FANCD2: variants seen among roughly 807,000 people sequenced by gnomAD.
FANCD2 encodes Fanconi anemia group D2 protein.
In FANCD2, 131 loss-of-function variants were observed where a neutral mutation model predicts 192.3. The ratio of observed to expected loss-of-function variants is 0.68; its 90% CI spans 0.59 to 0.79. The LOEUF is 0.79. Ranked by LOEUF, FANCD2 falls within the 30% of genes least tolerant of loss-of-function variation. FANCD2 has a pLI of 0.00. For synonymous variants in FANCD2, 524 were observed against 612.5 expected (o/e 0.86, Z 2.13); for missense variants, 1,508 against 1,701.6 (o/e 0.89, Z 2.00).
At chr3:10,059,590 C>G (rs1253551002) in intron 18 of FANCD2, among the ~76,000 whole-genome samples, 4 of 152,080 alleles carry the variant, frequency 2.6e-5, no homozygotes, top group Non-Finnish European at 5.9e-5. Flanking sequence ...ATCACGAGGT[C>G]AGGAGATCGA....
intron 29 of FANCD2, among the ~76,000 whole-genome samples, chr3:10,075,914 T>C (rs1200001546): frequency 6.6e-6 from 1 of 151,694 alleles, no homozygotes; most frequent in Non-Finnish European, 1.5e-5. Context: ...GTATTTTTAA[T>C]AGAGACGAGG....
At chr3:10,064,177 C>T (rs967978307) in intron 21 of FANCD2, among the ~76,000 whole-genome samples, 179 bp from the exon 22 acceptor site, 4 of 152,150 alleles carry the variant, frequency 2.6e-5, no homozygotes, top group Non-Finnish European at 4.4e-5. Context: ...TGTGCTGGGC[C>T]TTGTGCTAAG....
chr3:10,062,227 CCTTT>C lies in FANCD2; in HGVS notation c.1827+25_1827+28del, dbSNP rs768118340. ...GTGCACACAGGTGAGTTCTTTTTTT[CCTTT>C]CTTTCTTTTTCCTGTCTTTTTTTTT... On this transcript the variant is annotated intron_variant, in intron 20 of 43. Coordinates refer to ENST00000675286, the MANE Select transcript of FANCD2 (RefSeq NM_001018115.3). 2.1e-5 allele frequency: 33 copies of C among 1,606,340 alleles called. No homozygotes were observed. Among genetic ancestry groups the C allele is most frequent in the Middle Eastern group, 3.3e-4 (2 of 5,976 alleles).
At chr3:10,046,545 C>T (rs1482680530) in intron 14 of FANCD2, 35 bp from the exon 15 acceptor site, 5 of 1,613,532 alleles carry the variant, frequency 3.1e-6, no homozygotes, top group South Asian at 1.1e-5. Flanking sequence ...GATTTGTTAA[C>T]TGTTTTTCTG....
intron 10 of FANCD2, among the ~76,000 whole-genome samples, chr3:10,041,915 T>C (rs1229050245): frequency 2.6e-5 from 4 of 151,544 alleles, no homozygotes; most frequent in African/African-American, 4.9e-5. Flanking sequence ...GTTTTTTTTT[T>C]TGAGACGGAG....
intron 10 of FANCD2, among the ~76,000 whole-genome samples, chr3:10,042,218 A>G (rs1289345804): frequency 1.3e-5 from 2 of 152,090 alleles, no homozygotes; most frequent in Non-Finnish European, 1.5e-5. Context: ...TTTAAGCAGT[A>G]AGTTTTGAGT....
chr3:10,063,362 G>A (rs1024920161), intron 20 of FANCD2, among the ~76,000 whole-genome samples: 7 of 149,640 alleles, frequency 4.7e-5, no homozygotes, highest in East Asian at 2.0e-4. Flanking sequence ...GCTTGAATCC[G>A]GGAAGTGGAG....
intron 29 of FANCD2, among the ~76,000 whole-genome samples, chr3:10,074,996 C>T (rs886718567): frequency 5.9e-5 from 9 of 152,000 alleles, no homozygotes; most frequent in Non-Finnish European, 1.3e-4. Flanking sequence ...AAGTCAATGC[C>T]CTTTTCACTT....
rs771398282 is a variant in FANCD2, at chr3:10,043,079, T to TC, written c.919dup (p.Leu307ProfsTer20). 2 of 1,614,120 alleles carry TC rather than the reference T, an allele frequency of 1.2e-6. No individual in the cohort carries two copies. ...TTTCTGAGCTTCGGGAGAAGTTGGA[T>TC]CTGCAGCATTGTGTTTTGCCATCAC... On this transcript the variant is annotated frameshift_variant, in exon 12 of 44. Transcript: ENST00000675286. LOFTEE classifies it high-confidence loss of function.
chr3:10,030,622 G>T (rs919475346), intron 2 of FANCD2, among the ~76,000 whole-genome samples: 49 of 152,064 alleles, frequency 3.2e-4, no homozygotes, highest in Admixed American at 2.2e-3. Context: ...ACTGTGGGCC[G>T]GGCACAGTGG....
intron 29 of FANCD2, among the ~76,000 whole-genome samples, 170 bp from the exon 30 acceptor site, chr3:10,077,911 A>G (rs529581935): frequency 1.3e-5 from 2 of 151,990 alleles, no homozygotes; most frequent in South Asian, 2.1e-4. Flanking sequence ...GTGTGTGCCT[A>G]TAGTCCCCGC....
intron 26 of FANCD2, among the ~76,000 whole-genome samples, chr3:10,070,588 A>G (rs1004878664): frequency 1.4e-5 from 2 of 145,778 alleles, no homozygotes; most frequent in African/African-American, 5.1e-5. Context: ...CTGGGAAGTG[A>G]GGAGCCCCTC....
chr3:10,087,918 A>G (rs549444572), intron 34 of FANCD2, among the ~76,000 whole-genome samples: 1 of 152,184 alleles, frequency 6.6e-6, no homozygotes, highest in South Asian at 2.1e-4. Context: ...AAGTGCTGGG[A>G]TTACAGACGT....
intron 25 of FANCD2, among the ~76,000 whole-genome samples, chr3:10,066,587 G>A (rs1268493296): frequency 6.6e-6 from 1 of 152,190 alleles, no homozygotes; most frequent in African/African-American, 2.4e-5. Context: ...GAAATACTTA[G>A]AAAGGTTAAA....
chr3:10,046,212 C>T (rs912756283), intron 14 of FANCD2, among the ~76,000 whole-genome samples: 1 of 151,958 alleles, frequency 6.6e-6, no homozygotes, highest in Admixed American at 6.6e-5. Flanking sequence ...TGCTGCCACA[C>T]CCGGCTAATT....
chr3:10,054,385 ATATG>A (rs2087319593), intron 18 of FANCD2, among the ~76,000 whole-genome samples: 2 of 116,722 alleles, frequency 1.7e-5, no homozygotes, highest in African/African-American at 4.0e-5. Context: ...ATACATATAT[ATATG>A]TATATACGTA....
intron 17 of FANCD2, among the ~76,000 whole-genome samples, chr3:10,049,812 A>C (rs1191042148): frequency 6.6e-6 from 1 of 152,198 alleles, no homozygotes; most frequent in Non-Finnish European, 1.5e-5. Flanking sequence ...AGAATAATTA[A>C]ATTTAGCCTG....
intron 1 of FANCD2, among the ~76,000 whole-genome samples, chr3:10,027,510 A>G (rs1228037466): frequency 6.6e-6 from 1 of 152,104 alleles, no homozygotes; most frequent in Non-Finnish European, 1.5e-5. Context: ...CTAACTCCAC[A>G]TCTCCTTGTT....
At position 10,081,402 on chromosome 3, in the gene FANCD2, G is replaced by A. The variant is rs1458819256; in HGVS notation, c.3162G>A (p.Glu1054=). ...ATGGACCAGGAGTGAAAGTTCAGGA[G>A]TACCACATAATGTCTTCCTGCTATC... The part of the protein sequence containing the change: ...VVDGPGVKVQ[E]YHIMSSCYQR... Residue 1054 remains glutamate (E), a synonymous_variant, in exon 32 of 44, where the codon GAG becomes GAA. Transcript: ENST00000675286. The A allele has an allele frequency of 6.2e-7, 1 of 1,614,100 alleles. No homozygotes were observed. Among genetic ancestry groups the A allele is most frequent in the Non-Finnish European group, 8.5e-7 (1 of 1,179,958 alleles).
Sources: gnomAD v4.1 joint callset for allele counts (sites outside exome capture counted in the v4.1 genomes callset) on GRCh38, gnomAD v4.1.1 for gene constraint, MANE v1.5 for transcripts, NCBI Gene and HGNC (gene_info 2026-07-23, HGNC 2026-07-21) for gene names.